The following SSC4D variants were observed in gnomAD, a reference collection of about 807,000 sequenced individuals.
SSC4D encodes the protein scavenger receptor cysteine rich family member with 4 domains, also known as scavenger receptor cysteine-rich domain-containing group B protein.
In SSC4D, 57 loss-of-function variants were observed where a neutral mutation model predicts 63.4. The observed-to-expected ratio is 0.90, with a 90% CI of 0.73 to 1.12. The LOEUF is 1.12. Among genes scored for constraint, SSC4D ranks in the 50% most tolerant of loss-of-function variants. SSC4D has a pLI of 0.00. For missense variants in SSC4D, 791 were observed against 806.4 expected (o/e 0.98, Z 0.23); for synonymous variants, 352 against 345.4 (o/e 1.02, Z -0.21).
chr7:76,396,319 GAGT>G (rs1804638602), intron 6 of SSC4D, among the ~76,000 whole-genome samples: 1 of 152,144 alleles, frequency 6.6e-6, no homozygotes, highest in Non-Finnish European at 1.5e-5. Flanking sequence ...GCAACACCTG[GAGT>G]TACCTTTCCA....
At chr7:76,404,213 C>G (rs527689556) in intron 2 of SSC4D, 94 bp downstream of exon 2, 1 of 1,427,724 alleles carries the variant, frequency 7.0e-7, no homozygotes, top group African/African-American at 1.4e-5. Context: ...CAGGAACGAG[C>G]TCATTCACAA....
At chr7:76,398,668 T>TGA in intron 5 of SSC4D, 52 bp downstream of exon 5, 7 of 1,563,376 alleles carry the variant, frequency 4.5e-6, no homozygotes, top group Non-Finnish European at 6.2e-6. Context: ...GGGTAGGGTG[T>TGA]GAGAGACTCC....
intron 9 of SSC4D, among the ~76,000 whole-genome samples, chr7:76,392,825 C>A (rs1372026280): frequency 6.6e-6 from 1 of 152,002 alleles, no homozygotes; most frequent in Non-Finnish European, 1.5e-5. Context: ...GGTGTTGTGC[C>A]TCTCCAAACC....
chr7:76,404,327 A>G lies in SSC4D; in HGVS notation c.113T>C (p.Phe38Ser). The G allele has an allele frequency of 1.2e-6, 2 of 1,607,648 alleles. No homozygotes were observed. Among genetic ancestry groups the G allele is most frequent in the Non-Finnish European group, 1.7e-6 (2 of 1,176,582 alleles). The change falls in exon 2 of 11, where the codon TTC becomes TCC. Residue 38 changes from phenylalanine (F) to serine (S), a missense_variant. Phe to Ser is a radical substitution (Grantham distance 155). Transcript: ENST00000275560. The part of the protein sequence containing the change: ...APPFLPQALS[F>S]LLLLPLASAL... ...CTCACCCAGTGGCAGGAGGAGAAGG[A>G]AAGACAGGGCTTGGGGGAGGAAGGG...
chr7:76,404,594 T>TA, intron 1 of SSC4D, 89 bp from the exon 2 acceptor site: 1 of 1,084,072 alleles, frequency 9.2e-7, no homozygotes, highest in Admixed American at 2.1e-5. Context: ...GGGTTTGAGA[T>TA]CAGCCTGGGC....
intron 2 of SSC4D, among the ~76,000 whole-genome samples, chr7:76,401,349 G>T (rs1040388817): frequency 6.6e-6 from 1 of 152,160 alleles, no homozygotes; most frequent in East Asian, 1.9e-4. Flanking sequence ...AGGAGTCTCA[G>T]CTCCTGAGCT....
chr7:76,394,801 T>C (rs939017484), intron 7 of SSC4D, among the ~76,000 whole-genome samples: 1 of 101,552 alleles, frequency 9.8e-6, no homozygotes, highest in South Asian at 3.4e-4. Context: ...TATATATAAA[T>C]ATATAAAATA....
chr7:76,399,414 G>A (rs189920077), intron 4 of SSC4D, among the ~76,000 whole-genome samples: 5 of 152,240 alleles, frequency 3.3e-5, no homozygotes, highest in South Asian at 4.1e-4. Flanking sequence ...TCTGGGATTG[G>A]GCCTCAATCT....
At chr7:76,397,911 C>G (rs1804694431) in intron 5 of SSC4D, 79 bp from the exon 6 acceptor site, 60 of 1,386,766 alleles carry the variant, frequency 4.3e-5, no homozygotes, top group Non-Finnish European at 5.7e-5. Context: ...AGCCCGGTGT[C>G]CCAGGATCTA....
At chr7:76,393,272 G>T (rs1445419251) in intron 9 of SSC4D, 133 bp downstream of exon 9, 1 of 950,244 alleles carries the variant, frequency 1.1e-6, no homozygotes, top group Non-Finnish European at 1.4e-6. Flanking sequence ...GCGGGGCGGC[G>T]CCCCTCTGCG....
intron 4 of SSC4D, among the ~76,000 whole-genome samples, chr7:76,399,482 C>T (rs1423444319): frequency 2.0e-5 from 3 of 152,094 alleles, no homozygotes; most frequent in African/African-American, 4.8e-5. Flanking sequence ...TCTCAGTTTC[C>T]GCTGCAGCTC....
In SSC4D at chr7:76,397,661, G is replaced by C; in HGVS notation, c.725C>G (p.Ala242Gly). The change falls in exon 6 of 11, where the codon GCC becomes GGC. Residue 242 changes from alanine (A) to glycine (G), a missense_variant. Coordinates refer to ENST00000275560, the MANE Select transcript of SSC4D (RefSeq NM_080744.2). ...GTGTCCGGTGCCATAGCCGAAGAAG[G>C]CGTTGGTGGTGGCGGCCATGGCCGC... ...CGAAMAATTN[A>G]FFGYGTGHIL... is the part of the protein sequence containing the mutation. 3 of 1,613,762 alleles carry C rather than the reference G, an allele frequency of 1.9e-6. No individual in the cohort carries two copies. Among genetic ancestry groups the C allele is most frequent in the Non-Finnish European group, 1.7e-6 (2 of 1,179,862 alleles).
rs745470047 is a variant in SSC4D at position 76,397,664 on chromosome 7, T to C, written c.722A>G (p.Asn241Ser). ...TCCGGTGCCATAGCCGAAGAAGGCG[T>C]TGGTGGTGGCGGCCATGGCCGCCCC... ...GCGAAMAATT[N>S]AFFGYGTGHI... The change falls in exon 6 of 11, where the codon AAC (asparagine) becomes AGC (serine). Residue 241 changes from asparagine to serine, a missense_variant. Transcript: ENST00000275560. The C allele has an allele frequency of 6.2e-7, 1 of 1,613,692 alleles. No individual in the cohort carries two copies. The highest frequency in any genetic ancestry group is 1.7e-5 in the Admixed American group (1 of 60,008).
chr7:76,395,460 C>T, intron 6 of SSC4D, 130 bp from the exon 7 acceptor site: 2 of 891,138 alleles, frequency 2.2e-6, no homozygotes, highest in East Asian at 5.3e-5. Flanking sequence ...GGCTGGTGGC[C>T]CAGCCGCAGC....
intron 2 of SSC4D, among the ~76,000 whole-genome samples, chr7:76,403,112 A>G (rs1190083319): frequency 6.6e-6 from 1 of 152,160 alleles, no homozygotes; most frequent in Non-Finnish European, 1.5e-5. Flanking sequence ...GAGCTGAGAG[A>G]CTACCCAGAC....
intron 1 of SSC4D, among the ~76,000 whole-genome samples, chr7:76,406,110 T>C (rs990280681): frequency 1.3e-5 from 2 of 152,088 alleles, no homozygotes; most frequent in Non-Finnish European, 2.9e-5. Flanking sequence ...CTCAGCCTCC[T>C]GAGTAGCTGG....
At chr7:76,405,693 G>C (rs1563687323) in intron 1 of SSC4D, among the ~76,000 whole-genome samples, 1 of 152,054 alleles carries the variant, frequency 6.6e-6, no homozygotes, top group African/African-American at 2.4e-5. Context: ...AGAGGCAAAA[G>C]CTGGGAGGTG....
intron 7 of SSC4D, among the ~76,000 whole-genome samples, chr7:76,394,764 TA>T (rs1342124954): frequency 7.0e-6 from 1 of 143,442 alleles, no homozygotes; most frequent in East Asian, 2.0e-4. Context: ...TATATATATA[TA>T]TATAAAATAT....
At position 76,397,553 on chromosome 7, in the gene SSC4D, C is replaced by A; in HGVS notation, c.833G>T (p.Cys278Phe). ...CGCGCCCGCGTCCTCGTGGTGGCCGCAGTTGTGCACACCCCAGCCCAGGCT... is the reference window on the plus strand; with the variant it reads ...CGCGCCCGCGTCCTCGTGGTGGCCGAAGTTGTGCACACCCCAGCCCAGGCT... The part of the protein sequence containing the change: ...CQSLGWGVHN[C>F]GHHEDAGALC... Residue 278 changes from cysteine to phenylalanine, a missense_variant, in exon 6 of 11, where the codon TGC becomes TTC. Physicochemically the swap from Cys to Phe is radical, Grantham distance 205 (BLOSUM62 -2). Coordinates refer to ENST00000275560, the MANE Select transcript of SSC4D (RefSeq NM_080744.2). 6.3e-7 allele frequency: 1 copy of A among 1,598,870 alleles called. No individual in the cohort carries two copies. The highest frequency in any genetic ancestry group is 8.5e-7 in the Non-Finnish European group (1 of 1,173,196).
Sources: allele counts gnomAD v4.1 joint callset (sites outside exome capture counted in the v4.1 genomes callset), GRCh38; gene constraint gnomAD v4.1.1; transcripts MANE v1.5; gene names NCBI Gene and HGNC (gene_info 2026-07-23, HGNC 2026-07-21).